The following SYN3 variants were observed in gnomAD, a reference collection of about 807,000 sequenced individuals.
SYN3 encodes synapsin III, also known as synapsin-3.
A neutral mutation model predicts 65.8 loss-of-function variants in SYN3; 35 were observed. The observed-to-expected ratio is 0.53, with a 90% CI of 0.41 to 0.70. The LOEUF is 0.70. Ranked by LOEUF, SYN3 falls within the 30% of genes least tolerant of loss-of-function variation. The probability of loss-of-function intolerance (pLI) is 0.00; values close to 1 mark genes in which losing one functional copy is unlikely to be tolerated. For synonymous variants in SYN3, 270 were observed against 292.9 expected (o/e 0.92, Z 0.80); for missense variants, 680 against 749.0 (o/e 0.91, Z 1.08).
intron 6 of SYN3, among the ~76,000 whole-genome samples, chr22:32,631,188 G>C (rs190438821): frequency 1.3e-5 from 2 of 152,006 alleles, no homozygotes; most frequent in Non-Finnish European, 1.5e-5. Flanking sequence ...CCAGCTACTC[G>C]GGAGGCTGAG....
chr22:32,606,327 T>G (rs1298664779), intron 6 of SYN3, among the ~76,000 whole-genome samples: 1 of 152,116 alleles, frequency 6.6e-6, no homozygotes, highest in Non-Finnish European at 1.5e-5. Flanking sequence ...TAAAACAGAC[T>G]CATTCAACAG....
chr22:32,841,337 G>C (rs961011442), intron 6 of SYN3, among the ~76,000 whole-genome samples: 5 of 152,192 alleles, frequency 3.3e-5, no homozygotes, highest in African/African-American at 1.2e-4. Context: ...CAGGGGCCAA[G>C]GGATTGCGAG....
intron 6 of SYN3, among the ~76,000 whole-genome samples, chr22:32,604,973 A>T (rs2858742): frequency 0.65 from 93,260 of 144,540 alleles, 32,060 homozygotes; most frequent in African/African-American, 0.89. Context: ...GCCACTGCAC[A>T]CCAGCCTGGG....
chr22:33,030,859 A>G (rs1370301392), intron 1 of SYN3, among the ~76,000 whole-genome samples: 1 of 152,214 alleles, frequency 6.6e-6, no homozygotes, highest in African/African-American at 2.4e-5. Context: ...ATAGAGAGAC[A>G]GAGATACATA....
intron 6 of SYN3, among the ~76,000 whole-genome samples, chr22:32,724,427 C>T (rs1201980908): frequency 6.6e-6 from 1 of 152,122 alleles, no homozygotes; most frequent in East Asian, 1.9e-4. Flanking sequence ...TCAACAAAGA[C>T]TCTGCCTATT....
At position 32,744,010 on chromosome 22, in the gene SYN3, G is replaced by A. The variant is rs150803512; in HGVS notation, c.711+120905C>T. ...GAGAATAAGAGGTACCACACCAGCC[G>A]GGTGGAGGGATTATTCATGAGATGA... On this transcript the variant is annotated intron_variant, in intron 6 of 13. Coordinates refer to ENST00000358763, the MANE Select transcript of SYN3 (RefSeq NM_003490.4). 2.8e-3 allele frequency among the ~76,000 whole-genome samples: 425 copies of A among 152,174 alleles called. 2 individuals carry two copies. The highest frequency in any genetic ancestry group is 8.6e-3 in the African/African-American group (358 of 41,506).
At chr22:32,739,919 C>T (rs2061383266) in intron 6 of SYN3, among the ~76,000 whole-genome samples, 2 of 152,356 alleles carry the variant, frequency 1.3e-5, no homozygotes, top group South Asian at 4.1e-4. Flanking sequence ...AGTCCTGCTG[C>T]ACCCCCTACA....
At chr22:32,960,236 G>A (rs2051605931) in intron 3 of SYN3, among the ~76,000 whole-genome samples, 1 of 152,108 alleles carries the variant, frequency 6.6e-6, no homozygotes, top group South Asian at 2.1e-4. Context: ...ACCAACCAAC[G>A]CAGGCTCAAC....
intron 1 of SYN3, among the ~76,000 whole-genome samples, chr22:33,024,872 G>T (rs1333409512): frequency 1.3e-5 from 2 of 152,156 alleles, no homozygotes; most frequent in Non-Finnish European, 2.9e-5. Flanking sequence ...GTGTTCTTCC[G>T]AGAACATCTT....
At chr22:32,789,078 G>A (rs1465859789) in intron 6 of SYN3, among the ~76,000 whole-genome samples, 1 of 152,228 alleles carries the variant, frequency 6.6e-6, no homozygotes, top group Non-Finnish European at 1.5e-5. Flanking sequence ...AGGCCTCTGA[G>A]CCGCCTTCAC....
chr22:32,536,431 TTAC>T (rs67794831), intron 9 of SYN3, among the ~76,000 whole-genome samples: 68,610 of 151,754 alleles, frequency 0.45, 16,095 homozygotes, highest in East Asian at 0.71. Context: ...GACTTGGGTA[TTAC>T]TACTGCTTTC....
Position 32,572,781 on chromosome 22 carries a change from G to A in SYN3, c.774+23893C>T, listed in dbSNP as rs1314069870. 5.9e-5 allele frequency among the ~76,000 whole-genome samples: 9 copies of A among 152,176 alleles called. No homozygotes were observed. In the East Asian group the frequency reaches 1.6e-3, roughly 26 times the overall value. On this transcript the variant is annotated intron_variant, in intron 7 of 13. Transcript: ENST00000358763. ...ATTTCTGACAATACACCAGCCCCAG[G>A]ACTTCAGCAACTCCAGCTCGTGTCT...
At position 32,654,251 on chromosome 22, in the gene SYN3, C is replaced by T. The variant is rs185105824; in HGVS notation, c.712-57515G>A. Among the ~76,000 whole-genome samples the T allele has an allele frequency of 2.7e-3, 408 of 152,352 alleles. 1 individual carries two copies. The highest frequency in any genetic ancestry group is 9.1e-3 in the African/African-American group (377 of 41,594). ...ACCCACTCCCCTCCCTCCACTTTCT[C>T]AGTTCCTTGGTCCTGGCAGTTTTTC... is the stretch of plus-strand genomic sequence containing the variant. On this transcript the variant is annotated intron_variant, in intron 6 of 13. Transcript: ENST00000358763.
chr22:33,051,025 T>G (rs965844957), intron 1 of SYN3, among the ~76,000 whole-genome samples: 1 of 152,222 alleles, frequency 6.6e-6, no homozygotes, highest in Admixed American at 6.5e-5. Flanking sequence ...TATAGTAATC[T>G]GAAGCCCAGG....
chr22:32,991,190 G>GA (rs1038977584), intron 2 of SYN3, among the ~76,000 whole-genome samples: 24 of 137,982 alleles, frequency 1.7e-4, no homozygotes, highest in South Asian at 9.3e-4. Context: ...CTCAAAAAAA[G>GA]AAAAAAAAAA....
At chr22:32,708,286 A>C (rs1279065783) in intron 6 of SYN3, among the ~76,000 whole-genome samples, 1 of 152,224 alleles carries the variant, frequency 6.6e-6, no homozygotes, top group Non-Finnish European at 1.5e-5. Context: ...AATACAAAGC[A>C]GCTCAGATTT....
At chr22:32,933,014 C>T (rs904863917) in intron 3 of SYN3, among the ~76,000 whole-genome samples, 2 of 152,304 alleles carry the variant, frequency 1.3e-5, no homozygotes, top group South Asian at 2.1e-4. Context: ...ATACACTACC[C>T]TCACTTTAAT....
In SYN3 at chr22:32,807,372, A is replaced by G. The variant is rs1375889482; in HGVS notation, c.711+57543T>C. Among the ~76,000 whole-genome samples the G allele has an allele frequency of 1.2e-4, 13 of 111,696 alleles. No homozygotes were observed. In the Admixed American group the frequency reaches 1.4e-3, roughly 12 times the overall value. 73.3% of individuals were successfully genotyped at this position (111,696 alleles called of 152,430 possible). On this transcript the variant is annotated intron_variant, in intron 6 of 13. Coordinates refer to ENST00000358763, the MANE Select transcript of SYN3 (RefSeq NM_003490.4). ...AAATATATAATATATAATATATATT[A>G]TATATAATATATATTATATATAATA...
intron 6 of SYN3, among the ~76,000 whole-genome samples, chr22:32,741,347 A>ATTTTTTTT (rs71187210): frequency 3.4e-4 from 34 of 98,652 alleles, no homozygotes; most frequent in Middle Eastern, 5.4e-3. Flanking sequence ...CTAGAGCCCA[A>ATTTTTTTT]TTTTTTTTTT....
Sources: allele counts gnomAD v4.1 joint callset (sites outside exome capture counted in the v4.1 genomes callset), GRCh38; gene constraint gnomAD v4.1.1; transcripts MANE v1.5; gene names NCBI Gene and HGNC (gene_info 2026-07-23, HGNC 2026-07-21).